PCNX1: variants seen among roughly 807,000 people sequenced by gnomAD.
PCNX1 encodes the protein pecanex 1.
In PCNX1, 78 loss-of-function variants were observed where a neutral mutation model predicts 242.2. The ratio of observed to expected loss-of-function variants is 0.32; its 90% CI spans 0.27 to 0.39. PCNX1 has a LOEUF of 0.39. PCNX1 is among the 10% of genes least tolerant of loss of function. The pLI is 1.00. For missense variants in PCNX1, 2,581 were observed against 2,856.5 expected (o/e 0.90, Z 2.20); for synonymous variants, 1,024 against 1,032.9 (o/e 0.99, Z 0.17).
At chr14:71,052,302 C>T (rs2061059322) in intron 24 of PCNX1, among the ~76,000 whole-genome samples, 1 of 151,880 alleles carries the variant, frequency 6.6e-6, no homozygotes, top group African/African-American at 2.4e-5. Context: ...CCTCCACCTC[C>T]TGGGGGGCTC....
intron 11 of PCNX1, among the ~76,000 whole-genome samples, chr14:71,014,348 T>C (rs551856725): frequency 6.6e-6 from 1 of 152,304 alleles, no homozygotes; most frequent in South Asian, 2.1e-4. Context: ...AGATTCACAA[T>C]GTCTAGCATT....
intron 11 of PCNX1, among the ~76,000 whole-genome samples, chr14:71,018,344 T>C (rs61990383): frequency 0.014 from 2,162 of 152,264 alleles, 24 homozygotes; most frequent in Middle Eastern, 0.034. Context: ...TTCATTGATA[T>C]ATATATATGT....
chr14:71,012,795 G>T (rs1334412342), intron 10 of PCNX1, 190 bp from the exon 11 acceptor site: 4 of 526,906 alleles, frequency 7.6e-6, no homozygotes, highest in African/African-American at 6.4e-5. Context: ...TTGCACCACT[G>T]TACTTCAGAC....
At position 71,114,577 on chromosome 14, in the gene PCNX1, G is replaced by A. The variant is rs1157940719; in HGVS notation, c.*4642G>A. 1.3e-5 allele frequency: 2 copies of A among 152,584 alleles called. No individual in the cohort carries two copies. The highest frequency in any genetic ancestry group is 6.5e-5 in the Admixed American group (1 of 15,274). The allele number at this position is 152,584 out of a possible 1,614,324, so 9.5% of individuals were successfully genotyped here. On this transcript the variant is annotated 3_prime_UTR_variant, in exon 36 of 36. Coordinates refer to ENST00000304743, the MANE Select transcript of PCNX1 (RefSeq NM_014982.3). ...GTTGAACTTCATTATCTGCCATTTT[G>A]TGGAATCAACCTTACATTCTTTGGT...
intron 33 of PCNX1, 145 bp downstream of exon 33, chr14:71,105,585 C>T (rs1379822096): frequency 1.6e-6 from 1 of 607,718 alleles, no homozygotes; most frequent in African/African-American, 1.9e-5. Context: ...GAGTCTTGCT[C>T]TGGCTGGAGT....
In PCNX1 at chr14:71,110,036, C is replaced by A; in HGVS notation, c.*101C>A. The A allele has an allele frequency of 9.4e-7, 1 of 1,061,678 alleles. No homozygotes were observed. The highest frequency in any genetic ancestry group is 1.5e-6 in the Non-Finnish European group (1 of 684,886). 65.8% of individuals were successfully genotyped at this position (1,061,678 alleles called of 1,614,324 possible). A position where few individuals can be genotyped will look rare whatever the true frequency, so the allele number is the denominator to read the frequency against. ...AGATGCCTGCAGGTATCACTTTGAT[C>A]CTATGTGGGAGCGACTGAAAATAGA... On this transcript the variant is annotated 3_prime_UTR_variant, in exon 36 of 36. Coordinates refer to ENST00000304743, the MANE Select transcript of PCNX1 (RefSeq NM_014982.3).
At chr14:71,027,733 C>T (rs1040246321) in intron 15 of PCNX1, among the ~76,000 whole-genome samples, 5 of 151,930 alleles carry the variant, frequency 3.3e-5, no homozygotes, top group African/African-American at 1.2e-4. Flanking sequence ...TGCTATGTTG[C>T]TGTATATCAT....
intron 27 of PCNX1, among the ~76,000 whole-genome samples, chr14:71,074,361 A>C (rs1431949481): frequency 6.6e-6 from 1 of 152,238 alleles, no homozygotes; most frequent in African/African-American, 2.4e-5. Flanking sequence ...CCCCAAGACC[A>C]CTCATAGGGT....
intron 8 of PCNX1, 36 bp from the exon 9 acceptor site, chr14:71,009,598 T>C: frequency 7.9e-7 from 1 of 1,273,374 alleles, no homozygotes; most frequent in Non-Finnish European, 1.1e-6. Flanking sequence ...TTCTGAGTAT[T>C]CTAATGGCTT....
At chr14:71,056,991 T>G (rs998584651) in intron 25 of PCNX1, among the ~76,000 whole-genome samples, 2 of 152,158 alleles carry the variant, frequency 1.3e-5, no homozygotes, top group Non-Finnish European at 2.9e-5. Context: ...ATGTCTTTTT[T>G]TAAGGTTCTC....
At chr14:70,993,338 C>G (rs891758046) in intron 7 of PCNX1, among the ~76,000 whole-genome samples, 1 of 151,684 alleles carries the variant, frequency 6.6e-6, no homozygotes, top group Non-Finnish European at 1.5e-5. Context: ...CGTGTTAAGC[C>G]AGGATGGTCT....
intron 1 of PCNX1, among the ~76,000 whole-genome samples, chr14:70,931,974 T>C (rs1004141991): frequency 2.0e-5 from 3 of 152,098 alleles, no homozygotes; most frequent in Non-Finnish European, 4.4e-5. Context: ...AAATACAAAA[T>C]TAGCTGGGCG....
intron 2 of PCNX1, among the ~76,000 whole-genome samples, chr14:70,958,672 GAT>G (rs2140440165): frequency 6.6e-6 from 1 of 152,230 alleles, no homozygotes; most frequent in Non-Finnish European, 1.5e-5. Flanking sequence ...AAGAGTAGCA[GAT>G]ATAGAGAAAT....
intron 26 of PCNX1, among the ~76,000 whole-genome samples, chr14:71,066,078 A>T (rs1398420803): frequency 2.0e-5 from 3 of 152,094 alleles, no homozygotes; most frequent in African/African-American, 7.2e-5. Flanking sequence ...TTTGCTTAGG[A>T]TTGTCTTGGC....
chr14:70,977,397 A>G lies in PCNX1; in HGVS notation c.1060A>G (p.Thr354Ala), dbSNP rs762804714. 6.2e-7 allele frequency: 1 copy of G among 1,614,122 alleles called. No individual in the cohort carries two copies. The highest frequency in any genetic ancestry group is 1.7e-5 in the Admixed American group (1 of 60,030). ...GAAAATCAATACTTCTCAGCCACCC[A>G]CAAAAAGTGGGAAGAGCAAACCTTT... is the stretch of plus-strand genomic sequence containing the variant. ...DLKINTSQPP[T>A]KSGKSKPLKA... Residue 354 changes from threonine (T) to alanine (A), a missense_variant, in exon 6 of 36, where the codon ACA becomes GCA. Around this residue, in one of 9 missense-constraint regions of PCNX1, gnomAD observed 1,204 missense variants for 1,216.7 expected, o/e 0.99. Transcript: ENST00000304743.
intron 26 of PCNX1, among the ~76,000 whole-genome samples, chr14:71,058,565 T>C (rs2061242571): frequency 6.6e-6 from 1 of 152,160 alleles, no homozygotes; most frequent in Admixed American, 6.5e-5. Flanking sequence ...TGGAGTAGTT[T>C]TAGTCTGGAA....
rs748982248 is a variant in PCNX1, at chr14:71,051,885, T to A, written c.4450T>A (p.Ser1484Thr). Residue 1484 changes from serine to threonine, a missense_variant and splice_region_variant, in exon 24 of 36, where the codon TCA becomes ACA. Ser to Thr is a moderately conservative substitution (Grantham distance 58). Around this residue, in one of 9 missense-constraint regions of PCNX1, gnomAD observed 99 missense variants for 147.3 expected, o/e 0.67. Transcript: ENST00000304743. Reference protein sequence around the residue: ...AFAQPFAVPHSAMLFIQAAVS... With the variant: ...AFAQPFAVPHTAMLFIQAAVS... ...GTCCTTAACTAGTTTTCCCATAGAT[T>A]CAGCCATGCTGTTTATTCAGGCTGC... The A allele has an allele frequency of 6.2e-7, 1 of 1,611,456 alleles. No individual in the cohort carries two copies. Among genetic ancestry groups the A allele is most frequent in the Non-Finnish European group, 8.5e-7 (1 of 1,179,172 alleles).
chr14:71,103,808 A>C (rs2062528723), intron 32 of PCNX1, 139 bp downstream of exon 32: 2 of 676,626 alleles, frequency 3.0e-6, no homozygotes, highest in African/African-American at 1.8e-5. Flanking sequence ...CTGAACTTCA[A>C]GAAGTAGAAT....
intron 4 of PCNX1, among the ~76,000 whole-genome samples, chr14:70,968,625 A>G (rs2058450818): frequency 6.6e-6 from 1 of 152,210 alleles, no homozygotes; most frequent in Non-Finnish European, 1.5e-5. Context: ...ATTTTCTGCT[A>G]TTTGATCTAT....
Sources: allele counts gnomAD v4.1 joint callset (sites outside exome capture counted in the v4.1 genomes callset), GRCh38; gene constraint gnomAD v4.1.1; regional missense constraint gnomAD v4.1.1; transcripts MANE v1.5; gene names NCBI Gene and HGNC (gene_info 2026-07-23, HGNC 2026-07-21).